Variants in DCC observed in about 807,000 individuals in gnomAD.
The protein encoded by DCC is netrin receptor DCC.
DCC carries 58 observed loss-of-function variants against 172.5 expected under a neutral mutation model. The ratio of observed to expected loss-of-function variants is 0.34; its 90% confidence interval spans 0.27 to 0.42. The LOEUF is 0.42. DCC is among the 10% of genes least tolerant of loss of function. The pLI is 1.00. For missense variants in DCC, 1,740 were observed against 1,791.0 expected, an observed-to-expected ratio of 0.97 and a Z score of 0.51; for synonymous variants, 709 against 644.5, an observed-to-expected ratio of 1.10 and a Z score of -1.52.
Position 52,912,338 on chromosome 18 carries a change from T to C in DCC, c.697+6010T>C, listed in dbSNP as rs565197058. Among the ~76,000 whole-genome samples, 3 of 152,150 alleles carry C rather than the reference T, an allele frequency of 2.0e-5. No homozygotes were observed. In the East Asian group the frequency reaches 5.8e-4, roughly 29 times the overall value. On this transcript the variant is annotated intron_variant, in intron 3 of 28. Coordinates refer to ENST00000442544, the MANE Select transcript of DCC (RefSeq NM_005215.4). ...TTATAATTATCTTAGCATTTTAGAG[T>C]TTCCAGTTTTAAATAATTCTATTTT...
intron 3 of DCC, among the ~76,000 whole-genome samples, chr18:52,917,879 A>T (rs979591433): frequency 6.6e-6 from 1 of 152,232 alleles, no homozygotes; most frequent in Admixed American, 6.5e-5. Context: ...TAATCGATTT[A>T]GAAAAATAGT....
chr18:52,943,899 G>A (rs1358697233), intron 5 of DCC, among the ~76,000 whole-genome samples: 1 of 152,128 alleles, frequency 6.6e-6, no homozygotes, highest in Non-Finnish European at 1.5e-5. Context: ...GCAGGTGCCT[G>A]CCACGACAAC....
At chr18:52,674,116 G>C (rs925229293) in intron 1 of DCC, among the ~76,000 whole-genome samples, 5 of 152,268 alleles carry the variant, frequency 3.3e-5, no homozygotes, top group African/African-American at 9.6e-5. Context: ...CAGATTCAAT[G>C]CAGGAGACAT....
chr18:52,950,492 T>G (rs9957857), intron 5 of DCC, among the ~76,000 whole-genome samples: 64,952 of 152,050 alleles, frequency 0.43, 14,411 homozygotes, highest in Middle Eastern at 0.51. Flanking sequence ...ACAAGAGAGA[T>G]ATAGATTATA....
In DCC at chr18:53,182,137, A is replaced by G. The variant is rs549202381; in HGVS notation, c.1573+3021A>G. On this transcript the variant is annotated intron_variant, in intron 9 of 28. Coordinates refer to ENST00000442544, the MANE Select transcript of DCC (RefSeq NM_005215.4). ...ATAAGGCATAAAATAACAAAAGCCT[A>G]ACTGAATAAAACATGCTGATTGTTG... is the stretch of plus-strand genomic sequence containing the variant. Among the ~76,000 whole-genome samples, 6 of 152,364 alleles carry G rather than the reference A, an allele frequency of 3.9e-5. No individual in the cohort carries two copies. In the South Asian group the frequency reaches 1.2e-3, roughly 32 times the overall value.
intron 5 of DCC, among the ~76,000 whole-genome samples, chr18:53,023,951 A>G (rs1296491990): frequency 6.6e-6 from 1 of 152,108 alleles, no homozygotes; most frequent in African/African-American, 2.4e-5. Context: ...AATTTAGTCT[A>G]AAATGTGTAT....
intron 5 of DCC, among the ~76,000 whole-genome samples, chr18:52,990,600 G>T (rs1486884721): frequency 3.8e-5 from 5 of 132,750 alleles, no homozygotes; most frequent in Admixed American, 1.5e-4. Context: ...TTACAAAAAT[G>T]ATCAAAGAGA....
At chr18:53,166,468 C>T (rs2054923608) in intron 8 of DCC, among the ~76,000 whole-genome samples, 1 of 152,070 alleles carries the variant, frequency 6.6e-6, no homozygotes, top group African/African-American at 2.4e-5. Flanking sequence ...CCCAAGAAAA[C>T]AGAATGATAA....
At chr18:52,369,552 C>A (rs1003108734) in intron 1 of DCC, among the ~76,000 whole-genome samples, 1 of 151,952 alleles carries the variant, frequency 6.6e-6, no homozygotes, top group Non-Finnish European at 1.5e-5. Context: ...ACGATGTCAC[C>A]AAACACTTTG....
Position 53,534,950 on chromosome 18 carries a change from A to T in DCC, c.*4297A>T, listed in dbSNP as rs1032962380. The T allele has an allele frequency of 2.0e-5, 3 of 152,120 alleles. No individual in the cohort carries two copies. Among genetic ancestry groups the T allele is most frequent in the Non-Finnish European group, 4.4e-5 (3 of 68,030 alleles). 9.4% of individuals were successfully genotyped at this position (152,120 alleles called of 1,614,324 possible). ...AGCCTTTGTACATTGTCATCCTATG[A>T]TTGTTGTTGGTAGAAGAGCAAGAGC... On this transcript the variant is annotated 3_prime_UTR_variant, in exon 29 of 29. Transcript: ENST00000442544.
At chr18:53,071,879 AG>A (rs2042656606) in intron 7 of DCC, among the ~76,000 whole-genome samples, 1 of 152,336 alleles carries the variant, frequency 6.6e-6, no homozygotes, top group Non-Finnish European at 1.5e-5. Context: ...CTGTAATCCC[AG>A]CACCTTGGGA....
At chr18:53,388,392 C>G (rs1170248794) in intron 16 of DCC, among the ~76,000 whole-genome samples, 2 of 152,194 alleles carry the variant, frequency 1.3e-5, no homozygotes. Context: ...CAAAGGCATA[C>G]CATGGACAGT....
intron 16 of DCC, among the ~76,000 whole-genome samples, chr18:53,388,321 A>C (rs577015419): frequency 1.3e-5 from 2 of 152,364 alleles, no homozygotes; most frequent in African/African-American, 4.8e-5. Flanking sequence ...AAGGTTAAGG[A>C]AACTCCATTA....
chr18:52,634,570 G>A (rs55740482), intron 1 of DCC, among the ~76,000 whole-genome samples: 44,949 of 152,062 alleles, frequency 0.3, 7,466 homozygotes, highest in East Asian at 0.48. Context: ...AGCAAGTGTG[G>A]AAAAAGTGAA....
chr18:53,394,888 T>C (rs1908816594), intron 17 of DCC, among the ~76,000 whole-genome samples: 1 of 151,944 alleles, frequency 6.6e-6, no homozygotes, highest in African/African-American at 2.4e-5. Context: ...ACATCTGTAA[T>C]CCCAGCACTC....
chr18:52,829,168 G>A (rs972344006), intron 2 of DCC, among the ~76,000 whole-genome samples: 54 of 152,232 alleles, frequency 3.5e-4, no homozygotes, highest in African/African-American at 1.2e-3. Flanking sequence ...AACCTCAGAA[G>A]CCCAGAAACA....
chr18:52,472,947 C>T (rs941881331), intron 1 of DCC, among the ~76,000 whole-genome samples: 4 of 152,112 alleles, frequency 2.6e-5, no homozygotes, highest in African/African-American at 4.8e-5. Context: ...CCCTTAATTT[C>T]GTAGAGCCTT....
chr18:52,868,151 AG>A (rs1471008009), intron 2 of DCC, among the ~76,000 whole-genome samples: 1 of 151,330 alleles, frequency 6.6e-6, no homozygotes, highest in Non-Finnish European at 1.5e-5. Context: ...GTTTTAATTT[AG>A]GCTTCTTTTT....
intron 2 of DCC, among the ~76,000 whole-genome samples, chr18:52,756,372 T>C (rs576701190): frequency 7.2e-5 from 11 of 152,178 alleles, no homozygotes; most frequent in Non-Finnish European, 1.0e-4. Context: ...TTATGCCATA[T>C]AAAGAGAGCT....
Sources: gnomAD v4.1 joint callset for allele counts (sites outside exome capture counted in the v4.1 genomes callset) on GRCh38, gnomAD v4.1.1 for gene constraint, MANE v1.5 for transcripts, NCBI Gene and HGNC (gene_info 2026-07-23, HGNC 2026-07-21) for gene names.